Variants in PACSIN2 observed in about 807,000 individuals in gnomAD.
PACSIN2 encodes the protein protein kinase C and casein kinase substrate in neurons protein 2.
In PACSIN2, 25 loss-of-function variants were observed where a neutral mutation model predicts 63.8. That is an observed-to-expected ratio of 0.39 (90% CI 0.29 to 0.55). PACSIN2 has a LOEUF of 0.55. PACSIN2 is among the 20% of genes least tolerant of loss of function. PACSIN2 has a pLI of 0.62. For synonymous variants in PACSIN2, 255 were observed against 256.2 expected, an observed-to-expected ratio of 1.00 and a Z score of 0.05; for missense variants, 518 against 646.9, an observed-to-expected ratio of 0.80 and a Z score of 2.16.
intron 1 of PACSIN2, among the ~76,000 whole-genome samples, chr22:42,923,702 C>T (rs1932352051): frequency 6.6e-6 from 1 of 152,186 alleles, no homozygotes; most frequent in South Asian, 2.1e-4. Flanking sequence ...GCTGGCATTA[C>T]AGGCGTGAGC....
At chr22:42,916,556 G>A (rs924353415) in intron 1 of PACSIN2, among the ~76,000 whole-genome samples, 3 of 152,006 alleles carry the variant, frequency 2.0e-5, no homozygotes, top group Admixed American at 6.6e-5. Context: ...CCCACGGCAC[G>A]CCGCACCAGC....
At chr22:42,883,767 A>G (rs551307789) in intron 6 of PACSIN2, among the ~76,000 whole-genome samples, 32 of 152,234 alleles carry the variant, frequency 2.1e-4, no homozygotes, top group Non-Finnish European at 4.4e-4. Flanking sequence ...GCACTTTGGA[A>G]GGCCGAGGTG....
intron 1 of PACSIN2, among the ~76,000 whole-genome samples, chr22:42,944,810 G>A (rs891100267): frequency 6.6e-5 from 10 of 152,136 alleles, no homozygotes; most frequent in Non-Finnish European, 1.5e-4. Flanking sequence ...ATAAGGTGAG[G>A]ACTGTAGCTG....
At chr22:42,926,926 C>G (rs975753084) in intron 1 of PACSIN2, among the ~76,000 whole-genome samples, 8 of 152,162 alleles carry the variant, frequency 5.3e-5, no homozygotes, top group African/African-American at 1.9e-4. Context: ...CTTACCACAC[C>G]TGGCTGGGCT....
intron 2 of PACSIN2, 75 bp downstream of exon 2, chr22:42,911,946 C>T: frequency 9.0e-7 from 1 of 1,111,014 alleles, no homozygotes; most frequent in East Asian, 2.4e-5. Flanking sequence ...CCAACCTCCA[C>T]CAAAAAAACC....
At chr22:42,902,682 C>T (rs1253640401) in intron 2 of PACSIN2, among the ~76,000 whole-genome samples, 1 of 152,122 alleles carries the variant, frequency 6.6e-6, no homozygotes. Flanking sequence ...GGCATGATCT[C>T]GGCTCACCAC....
At chr22:42,876,033 G>T in intron 10 of PACSIN2, 104 bp downstream of exon 10, 1 of 971,076 alleles carries the variant, frequency 1.0e-6, no homozygotes. Flanking sequence ...TGACTCACAA[G>T]TGAAACTAGC....
chr22:42,873,555 G>A (rs138274126), intron 10 of PACSIN2, among the ~76,000 whole-genome samples: 331 of 152,302 alleles, frequency 2.2e-3, no homozygotes, highest in African/African-American at 7.4e-3. Flanking sequence ...CTTCCCTGCT[G>A]AGTCAGGGGT....
rs150225179 is a variant in PACSIN2 at position 42,922,364 on chromosome 22, T to C, written c.-77-10207A>G. 3.5e-4 allele frequency among the ~76,000 whole-genome samples: 54 copies of C among 152,238 alleles called. 1 individual carries two copies. The East Asian group carries it at 0.01, about 29-fold the overall frequency. ...TTCCACAACCAGACAAAAGAACAGG[T>C]CATTTTTTAGGCCAAAAGGCTATTT... is the stretch of plus-strand genomic sequence containing the variant. On this transcript the variant is annotated intron_variant, in intron 1 of 10. Transcript: ENST00000263246.
At chr22:42,989,890 A>G (rs1168261176) in intron 1 of PACSIN2, among the ~76,000 whole-genome samples, 1 of 149,676 alleles carries the variant, frequency 6.7e-6, no homozygotes, top group African/African-American at 2.4e-5. Flanking sequence ...ATATATACAC[A>G]CACACACACA....
chr22:42,899,316 T>C (rs1930509054), intron 2 of PACSIN2, among the ~76,000 whole-genome samples: 1 of 152,200 alleles, frequency 6.6e-6, no homozygotes, highest in South Asian at 2.1e-4. Context: ...AGACGGAGTC[T>C]AGCTCTGTTG....
At chr22:43,010,875 TTTTA>T (rs1924445185) in intron 1 of PACSIN2, among the ~76,000 whole-genome samples, 1 of 152,230 alleles carries the variant, frequency 6.6e-6, no homozygotes. Context: ...GAAAGGTGGT[TTTTA>T]TTTGTTTTAT....
intron 1 of PACSIN2, among the ~76,000 whole-genome samples, chr22:43,010,506 C>A (rs1195370684): frequency 1.3e-5 from 2 of 151,668 alleles, no homozygotes; most frequent in East Asian, 1.9e-4. Context: ...GTCAGGAGAT[C>A]AAGACCATCC....
chr22:42,913,431 A>G (rs1269214816), intron 1 of PACSIN2, among the ~76,000 whole-genome samples: 1 of 150,028 alleles, frequency 6.7e-6, no homozygotes, highest in Admixed American at 6.7e-5. Flanking sequence ...GTCAGCCAAG[A>G]TCGTGCCATT....
In PACSIN2 at chr22:42,949,895, C is replaced by T. The variant is rs1274237071; in HGVS notation, c.-77-37738G>A. 2.0e-5 allele frequency among the ~76,000 whole-genome samples: 3 copies of T among 152,360 alleles called. No homozygotes were observed. In the East Asian group the frequency reaches 5.8e-4, roughly 29 times the overall value. On this transcript the variant is annotated intron_variant, in intron 1 of 10. Transcript: ENST00000263246. ...TTTACAAATTATTTTACATCTATCT[C>T]TCCCAATATTCTAAAAACATTTACT...
chr22:42,919,802 GAAAGAAAGAA>G (rs1489158991), intron 1 of PACSIN2, among the ~76,000 whole-genome samples: 1 of 122,096 alleles, frequency 8.2e-6, no homozygotes, highest in Non-Finnish European at 1.8e-5. Flanking sequence ...AAAAAAGAAA[GAAAGAAAGAA>G]AAAGAAAAAG....
intron 1 of PACSIN2, among the ~76,000 whole-genome samples, chr22:42,916,253 C>T (rs1189690819): frequency 6.6e-6 from 1 of 152,190 alleles, no homozygotes; most frequent in Non-Finnish European, 1.5e-5. Flanking sequence ...GTCCTTGCTA[C>T]TTCCTTCAGC....
chr22:42,989,860 A>G (rs971658378), intron 1 of PACSIN2, among the ~76,000 whole-genome samples: 11 of 67,706 alleles, frequency 1.6e-4, no homozygotes, highest in African/African-American at 1.4e-3. Flanking sequence ...TTGGAGGGGG[A>G]AAAAAAAATA....
At chr22:42,876,586 C>T (rs1928650094) in intron 9 of PACSIN2, among the ~76,000 whole-genome samples, 1 of 152,246 alleles carries the variant, frequency 6.6e-6, no homozygotes, top group African/African-American at 2.4e-5. Context: ...ACTCTCTAGT[C>T]CCCAGCACAG....
Sources: gnomAD v4.1 joint callset for allele counts (sites outside exome capture counted in the v4.1 genomes callset) on GRCh38, gnomAD v4.1.1 for gene constraint, MANE v1.5 for transcripts, NCBI Gene and HGNC (gene_info 2026-07-23, HGNC 2026-07-21) for gene names.